The following THOC1 variants were observed in gnomAD, a reference collection of about 807,000 sequenced individuals.
THOC1 encodes the protein THO complex 1.
A neutral mutation model predicts 97.3 loss-of-function variants in THOC1; 29 were observed. That is an observed-to-expected ratio of 0.30 (90% confidence interval 0.22 to 0.41). THOC1 has a LOEUF of 0.41. THOC1 is among the 10% of genes least tolerant of loss of function. The probability of loss-of-function intolerance (pLI) is 1.00; values close to 1 mark genes in which losing one functional copy is unlikely to be tolerated. For missense variants in THOC1, 529 were observed against 761.9 expected (o/e 0.69, Z 3.60); for synonymous variants, 255 against 257.0 (o/e 0.99, Z 0.07).
intron 3 of THOC1, 106 bp from the exon 4 acceptor site, chr18:264,198 G>T: frequency 2.9e-6 from 2 of 698,666 alleles, no homozygotes; most frequent in Non-Finnish European, 4.7e-6. Flanking sequence ...TCAGAAATAT[G>T]GAATACAATA....
intron 11 of THOC1, among the ~76,000 whole-genome samples, chr18:243,061 G>A (rs1911961170): frequency 6.6e-6 from 1 of 152,110 alleles, no homozygotes; most frequent in Admixed American, 6.5e-5. Flanking sequence ...GTTGCTTAAG[G>A]GGCAACAAAG....
chr18:217,907 GGA>G (rs1910949255), intron 18 of THOC1, among the ~76,000 whole-genome samples: 1 of 152,192 alleles, frequency 6.6e-6, no homozygotes, highest in African/African-American at 2.4e-5. Flanking sequence ...TGGCCACACA[GGA>G]GAGTATGAGC....
chr18:236,615 G>A (rs1011577498), intron 11 of THOC1, among the ~76,000 whole-genome samples: 1 of 151,572 alleles, frequency 6.6e-6, no homozygotes, highest in Non-Finnish European at 1.5e-5. Flanking sequence ...CGCCCGCCTC[G>A]GCCTCCCAAA....
chr18:220,318 G>GATAT (rs781083461), intron 17 of THOC1, among the ~76,000 whole-genome samples: 1 of 152,224 alleles, frequency 6.6e-6, no homozygotes, highest in Non-Finnish European at 1.5e-5. Context: ...TATATGTACA[G>GATAT]ATATATATAA....
intron 11 of THOC1, among the ~76,000 whole-genome samples, chr18:239,112 A>G (rs1441205472): frequency 6.6e-6 from 1 of 152,236 alleles, no homozygotes; most frequent in Non-Finnish European, 1.5e-5. Flanking sequence ...TTAAACAGCC[A>G]GTGTTTATAT....
At chr18:243,151 G>T (rs914770402) in intron 11 of THOC1, among the ~76,000 whole-genome samples, 1 of 152,144 alleles carries the variant, frequency 6.6e-6, no homozygotes, top group Non-Finnish European at 1.5e-5. Context: ...CCTATGGTAA[G>T]TTTTAAGCTT....
chr18:240,953 C>A (rs1214909628), intron 11 of THOC1, among the ~76,000 whole-genome samples: 9 of 152,128 alleles, frequency 5.9e-5, no homozygotes, highest in Non-Finnish European at 1.3e-4. Flanking sequence ...CTAGATCCCT[C>A]ATGATCAGTT....
rs141503164 is a variant in THOC1, at chr18:256,138, A to T, written c.521-1783T>A. Among the ~76,000 whole-genome samples, 542 of 152,354 alleles carry T rather than the reference A, an allele frequency of 3.6e-3. 1 individual carries two copies. Among genetic ancestry groups the T allele is most frequent in the African/African-American group, 0.012 (505 of 41,594 alleles). On this transcript the variant is annotated intron_variant, in intron 7 of 20. Transcript: ENST00000261600. ...TCATCCATTTTGCAGCCAAAGGATC[A>T]AAGGGTTATTTCAGCTTTCAAGTCT...
chr18:250,281 A>T (rs185164637), intron 9 of THOC1, among the ~76,000 whole-genome samples: 15 of 152,214 alleles, frequency 9.9e-5, no homozygotes, highest in African/African-American at 3.1e-4. Context: ...AAAATTCTTC[A>T]AAGAGTTGTC....
chr18:223,542 G>T, intron 16 of THOC1, 37 bp from the exon 17 acceptor site: 1 of 1,485,476 alleles, frequency 6.7e-7, no homozygotes. Flanking sequence ...CATTTTTTAT[G>T]GACACCATCC....
chr18:242,161 T>G lies in THOC1; in HGVS notation c.918+4163A>C, dbSNP rs958950738. On this transcript the variant is annotated intron_variant, in intron 11 of 20. Transcript: ENST00000261600. The surrounding 1 kb of genome is among the most constrained non-coding windows in gnomAD (Gnocchi z 4.5). ...TACCTACCTGTAGTTGCCACATGACTGGCCTATCTCCAACTATAAAGTTTA... is the reference window on the plus strand; with the variant it reads ...TACCTACCTGTAGTTGCCACATGACGGGCCTATCTCCAACTATAAAGTTTA... Among the ~76,000 whole-genome samples, 2 of 152,176 alleles carry G rather than the reference T, an allele frequency of 1.3e-5. No homozygotes were observed. The highest frequency in any genetic ancestry group is 2.9e-5 in the Non-Finnish European group (2 of 68,022).
intron 11 of THOC1, among the ~76,000 whole-genome samples, chr18:229,583 T>C (rs1038288833): frequency 3.3e-5 from 5 of 151,950 alleles, no homozygotes; most frequent in Non-Finnish European, 1.5e-5. Context: ...CTCTGGAGGC[T>C]GAGGCAGGAG....
At position 254,213 on chromosome 18, in the gene THOC1, C is replaced by A; in HGVS notation, c.603+60G>T. ...AAGTGTGAGCCACTGTGCCTGGACC[C>A]ACTATCTTAATAACAAACTTGCAAA... On this transcript the variant is annotated intron_variant, in intron 8 of 20. Coordinates refer to ENST00000261600, the MANE Select transcript of THOC1 (RefSeq NM_005131.3). The surrounding 1 kb of genome is among the most constrained non-coding windows in gnomAD (Gnocchi z 4.1). The A allele has an allele frequency of 8.4e-7, 1 of 1,196,046 alleles. No individual in the cohort carries two copies. Among genetic ancestry groups the A allele is most frequent in the Non-Finnish European group, 1.2e-6 (1 of 824,300 alleles). The allele number at this position is 1,196,046 out of a possible 1,614,324, so 74.1% of individuals were successfully genotyped here. A position where few individuals can be genotyped will look rare whatever the true frequency, so the allele number is the denominator to read the frequency against.
intron 4 of THOC1, chr18:260,925 C>A (rs1912586500): frequency 6.6e-6 from 1 of 152,082 alleles, no homozygotes; most frequent in Non-Finnish European, 1.5e-5. Context: ...ACTATAGAAA[C>A]TAAAACCATT....
intron 17 of THOC1, among the ~76,000 whole-genome samples, chr18:219,550 A>G (rs1911006141): frequency 6.6e-6 from 1 of 152,240 alleles, no homozygotes; most frequent in African/African-American, 2.4e-5. Flanking sequence ...ACTTTTAGTT[A>G]CAGTTTTGAT....
chr18:261,895 G>A (rs1912617683), intron 4 of THOC1, among the ~76,000 whole-genome samples: 1 of 152,116 alleles, frequency 6.6e-6, no homozygotes, highest in South Asian at 2.1e-4. Flanking sequence ...CAGCAAGTCT[G>A]GGAACCATTG....
At chr18:267,009 G>A (rs1003878342) in intron 1 of THOC1, among the ~76,000 whole-genome samples, 1 of 54,240 alleles carries the variant, frequency 1.8e-5, no homozygotes. Context: ...ATACGTATAC[G>A]TATATATATG....
At position 265,346 on chromosome 18, in the gene THOC1, C is replaced by T. The variant is rs765360001; in HGVS notation, c.146G>A (p.Cys49Tyr). ...ACCTCTGAAAGCTTGGTCAAGGGTA[C>T]ATTTTTTTTCATTTTCACTATTAAA... is the stretch of plus-strand genomic sequence containing the variant. ...QVPGSENEKK[C>Y]TLDQAFRGIL... Residue 49 changes from cysteine to tyrosine, a missense_variant, in exon 3 of 21, where the codon TGT (cysteine) becomes TAT (tyrosine). Physicochemically the swap from Cys to Tyr is radical, Grantham distance 194. This residue lies in a region of THOC1 where 114 missense variants were observed against 97.4 expected (regional missense o/e 1.17). Coordinates refer to ENST00000261600, the MANE Select transcript of THOC1 (RefSeq NM_005131.3). 3.0e-5 allele frequency: 48 copies of T among 1,605,028 alleles called. No individual in the cohort carries two copies. The highest frequency in any genetic ancestry group is 3.9e-5 in the Non-Finnish European group (46 of 1,176,920).
intron 11 of THOC1, among the ~76,000 whole-genome samples, chr18:232,970 C>T (rs1216272861): frequency 6.6e-6 from 1 of 152,112 alleles, no homozygotes; most frequent in African/African-American, 2.4e-5. Flanking sequence ...ATGTAGGTGA[C>T]AAATAATCTT....
Sources: allele counts gnomAD v4.1 joint callset (sites outside exome capture counted in the v4.1 genomes callset), GRCh38; gene constraint gnomAD v4.1.1; regional missense constraint gnomAD v4.1.1; non-coding constraint Gnocchi (gnomAD v3.1); transcripts MANE v1.5; gene names NCBI Gene and HGNC (gene_info 2026-07-23, HGNC 2026-07-21).